CADM1: variants seen among roughly 807,000 people sequenced by gnomAD.
CADM1 encodes the protein TSLC-1.
A neutral mutation model predicts 53.1 loss-of-function variants in CADM1; 15 were observed. The observed-to-expected ratio is 0.28, with a 90% CI of 0.19 to 0.44. CADM1 has a LOEUF of 0.44. Among genes scored for constraint, CADM1 ranks in the 20% least tolerant of loss-of-function variants. CADM1 has a pLI of 1.00. For synonymous variants in CADM1, 281 were observed against 243.0 expected (o/e 1.16, Z -1.45); for missense variants, 434 against 611.3 (o/e 0.71, Z 3.06).
At chr11:115,190,609 G>T in intron 10 of CADM1, 1 of 373,482 alleles carries the variant, frequency 2.7e-6, no homozygotes. Context: ...AACATTATTT[G>T]AAGCCACTGA....
chr11:115,188,843 AATGT>A (rs774746269), intron 10 of CADM1, among the ~76,000 whole-genome samples: 9 of 152,198 alleles, frequency 5.9e-5, no homozygotes, highest in Non-Finnish European at 1.2e-4. Context: ...TCATAAAAAT[AATGT>A]ATTTTGTTTT....
intron 1 of CADM1, among the ~76,000 whole-genome samples, chr11:115,264,684 T>G (rs577781567): frequency 6.6e-6 from 1 of 152,318 alleles, no homozygotes; most frequent in African/African-American, 2.4e-5. Context: ...AGTAAGTTAT[T>G]TAACCTAAGC....
intron 1 of CADM1, among the ~76,000 whole-genome samples, chr11:115,470,914 C>A (rs574044841): frequency 6.6e-6 from 1 of 152,286 alleles, no homozygotes; most frequent in East Asian, 1.9e-4. Context: ...AAGTGAAGGA[C>A]CCCGAAGTCA....
At chr11:115,400,661 G>GTGTGTATA (rs1295332849) in intron 1 of CADM1, among the ~76,000 whole-genome samples, 4 of 46,558 alleles carry the variant, frequency 8.6e-5, no homozygotes, top group East Asian at 6.9e-4. Context: ...GTGTGTGTGT[G>GTGTGTATA]TATATATATA....
intron 1 of CADM1, among the ~76,000 whole-genome samples, chr11:115,375,353 C>T (rs915127990): frequency 6.6e-6 from 1 of 152,076 alleles, no homozygotes; most frequent in African/African-American, 2.4e-5. Flanking sequence ...AGGAAGGAAG[C>T]GCAGTAATTT....
In CADM1 at chr11:115,206,755, C is replaced by CTTTT. The variant is rs1194703150; in HGVS notation, c.1078+2818_1078+2819insAAAA. Among the ~76,000 whole-genome samples the CTTTT allele has an allele frequency of 4.0e-3, 22 of 5,442 alleles. 1 individual carries two copies. Among genetic ancestry groups the CTTTT allele is most frequent in the Non-Finnish European group, 7.7e-3 (13 of 1,688 alleles). 3.6% of individuals were successfully genotyped at this position (5,442 alleles called of 152,430 possible). On this transcript the variant is annotated intron_variant, in intron 8 of 11. Transcript: ENST00000331581. ...CAGAAAAGAAATAGATGACTGTGGA[C>CTTTT]TTCTTTTTTTTTTTTTTTTTTTTTT... is the stretch of plus-strand genomic sequence containing the variant.
At chr11:115,312,119 A>G (rs1944547216) in intron 1 of CADM1, among the ~76,000 whole-genome samples, 1 of 152,310 alleles carries the variant, frequency 6.6e-6, no homozygotes, top group Middle Eastern at 3.4e-3. Context: ...GTATTACAGA[A>G]CAATGTGACA....
At chr11:115,456,581 T>C in intron 1 of CADM1, among the ~76,000 whole-genome samples, 1 of 152,144 alleles carries the variant, frequency 6.6e-6, no homozygotes, top group Non-Finnish European at 1.5e-5. Context: ...TATATATAGA[T>C]AAGACATAGG....
At chr11:115,488,058 A>G (rs1475249827) in intron 1 of CADM1, among the ~76,000 whole-genome samples, 1 of 151,934 alleles carries the variant, frequency 6.6e-6, no homozygotes, top group Non-Finnish European at 1.5e-5. Flanking sequence ...ATCTACCAAG[A>G]AAAAGAATAT....
At chr11:115,471,263 A>T (rs1013453039) in intron 1 of CADM1, among the ~76,000 whole-genome samples, 4 of 152,232 alleles carry the variant, frequency 2.6e-5, no homozygotes, top group Non-Finnish European at 5.9e-5. Flanking sequence ...CAGAACATAC[A>T]TACAGCAGTC....
intron 10 of CADM1, among the ~76,000 whole-genome samples, chr11:115,184,634 G>C (rs376734798): frequency 1.3e-5 from 2 of 152,292 alleles, no homozygotes; most frequent in East Asian, 3.9e-4. Context: ...AGAAAATCAT[G>C]AAGACTCCCA....
chr11:115,478,604 A>C (rs1591287903), intron 1 of CADM1, among the ~76,000 whole-genome samples: 1 of 152,096 alleles, frequency 6.6e-6, no homozygotes, highest in South Asian at 2.1e-4. Flanking sequence ...ACCCAAATTC[A>C]CTACAGAAAT....
chr11:115,189,735 A>G (rs560808510), intron 10 of CADM1, among the ~76,000 whole-genome samples: 4 of 152,344 alleles, frequency 2.6e-5, no homozygotes, highest in Non-Finnish European at 4.4e-5. Context: ...CATTCATCCA[A>G]TAAGTGTCAA....
At chr11:115,380,680 G>A (rs1946553763) in intron 1 of CADM1, among the ~76,000 whole-genome samples, 1 of 152,020 alleles carries the variant, frequency 6.6e-6, no homozygotes, top group Admixed American at 6.6e-5. Context: ...TCATTTTTTA[G>A]TAATAGCTAA....
intron 10 of CADM1, among the ~76,000 whole-genome samples, chr11:115,187,965 G>A (rs1939658224): frequency 6.6e-6 from 1 of 152,022 alleles, no homozygotes; most frequent in Non-Finnish European, 1.5e-5. Context: ...ATGTTTTGAG[G>A]AATCATGACA....
chr11:115,419,833 C>T (rs934037972), intron 1 of CADM1, among the ~76,000 whole-genome samples: 96 of 152,150 alleles, frequency 6.3e-4, no homozygotes, highest in African/African-American at 2.2e-3. Context: ...GGCCTTTCTA[C>T]AGAAATTAAT....
At chr11:115,242,103 A>G (rs1327309198) in intron 1 of CADM1, among the ~76,000 whole-genome samples, 1 of 151,996 alleles carries the variant, frequency 6.6e-6, no homozygotes, top group Admixed American at 6.6e-5. Context: ...CTAAAAGGAT[A>G]AGGAAAAAAA....
chr11:115,308,141 C>CTGTGTGTGTGTGTGTG (rs199736406), intron 1 of CADM1, among the ~76,000 whole-genome samples: 1 of 133,444 alleles, frequency 7.5e-6, no homozygotes, highest in African/African-American at 2.9e-5. Flanking sequence ...AACTCTCTCT[C>CTGTGTGTGTGTGTGTG]TGTGTGTGTG....
chr11:115,179,580 T>C (rs550045113), intron 10 of CADM1, among the ~76,000 whole-genome samples: 1 of 152,320 alleles, frequency 6.6e-6, no homozygotes, highest in East Asian at 1.9e-4. Flanking sequence ...TATGGCAGTG[T>C]AAACAATTTT....
Sources: allele counts gnomAD v4.1 joint callset (sites outside exome capture counted in the v4.1 genomes callset), GRCh38; gene constraint gnomAD v4.1.1; transcripts MANE v1.5; gene names NCBI Gene and HGNC (gene_info 2026-07-23, HGNC 2026-07-21).